Variants in CDH23 observed in about 807,000 individuals in gnomAD.
CDH23 encodes the protein cadherin-23.
CDH23 carries 189 observed loss-of-function variants against 317.1 expected under a neutral mutation model. That is an observed-to-expected ratio of 0.60 (90% confidence interval 0.53 to 0.67). The LOEUF (loss-of-function observed/expected upper bound fraction) is 0.67. Among genes scored for constraint, CDH23 ranks in the 30% least tolerant of loss-of-function variants. CDH23 has a pLI of 0.00. For synonymous variants in CDH23, 1,839 were observed against 1,876.8 expected, an observed-to-expected ratio of 0.98 and a Z score of 0.52; for missense variants, 4,401 against 4,592.4, an observed-to-expected ratio of 0.96 and a Z score of 1.20.
chr10:71,463,078 C>A (rs2132066006), intron 3 of CDH23, among the ~76,000 whole-genome samples: 1 of 152,344 alleles, frequency 6.6e-6, no homozygotes, highest in African/African-American at 2.4e-5. Context: ...TTTTCACAAC[C>A]TAGATTACCT....
At position 71,734,757 on chromosome 10, in the gene CDH23, G is replaced by A. The variant is rs58521844; in HGVS notation, c.4209+99G>A. The A allele has an allele frequency of 0.015, 10,876 of 731,996 alleles. 895 individuals carry two copies. In the African/African-American group the frequency reaches 0.17, roughly 12 times the overall value. 45.3% of individuals were successfully genotyped at this position (731,996 alleles called of 1,614,324 possible). Reference sequence around the variant, plus strand: ...TGGACCTTCCCACCTCTCCCAGAGAGAAGGCACGTGGACAGGCCTGCAGCA... The same window carrying A: ...TGGACCTTCCCACCTCTCCCAGAGAAAAGGCACGTGGACAGGCCTGCAGCA... On this transcript the variant is annotated intron_variant, in intron 34 of 69. Transcript: ENST00000224721.
chr10:71,609,951 C>CGTGT (rs34311857), intron 9 of CDH23, among the ~76,000 whole-genome samples: 11,904 of 142,690 alleles, frequency 0.083, 525 homozygotes, highest in Non-Finnish European at 0.11. Flanking sequence ...AGGACTCCCC[C>CGTGT]GTGTGTGTGT....
intron 9 of CDH23, among the ~76,000 whole-genome samples, chr10:71,610,619 T>A (rs1448901750): frequency 6.6e-6 from 1 of 152,190 alleles, no homozygotes; most frequent in Non-Finnish European, 1.5e-5. Flanking sequence ...TGCAAACAGC[T>A]TAGCTCAGTG....
rs545724150 is a variant in CDH23 at position 71,432,487 on chromosome 10, G to A, written c.-5-7340G>A. Among the ~76,000 whole-genome samples, 6 of 150,510 alleles carry A rather than the reference G, an allele frequency of 4.0e-5. No individual in the cohort carries two copies. In the East Asian group the frequency reaches 1.2e-3, roughly 30 times the overall value. On this transcript the variant is annotated intron_variant, in intron 1 of 69. Transcript: ENST00000224721. ...TGAGTGTGTAGGTGTGTGTTTGAGA[G>A]TGTGTGTGTGCAGTGTGTGGGTGAG... is the stretch of plus-strand genomic sequence containing the variant.
rs1205925889 is a variant in CDH23, at chr10:71,499,258, AAG to A, written c.146-10821_146-10820del. On this transcript the variant is annotated intron_variant, in intron 3 of 69. Coordinates refer to ENST00000224721, the MANE Select transcript of CDH23 (RefSeq NM_022124.6). ...TTACCAGTGGCTGGGGAGAGAGTGA[AAG>A]AGGGGATGGTTGATGAGTAAAAAAA... is the stretch of plus-strand genomic sequence containing the variant. Among the ~76,000 whole-genome samples, 4 of 152,268 alleles carry A rather than the reference AAG, an allele frequency of 2.6e-5. 1 individual carries two copies. Among genetic ancestry groups the A allele is most frequent in the African/African-American group, 9.6e-5 (4 of 41,560 alleles).
chr10:71,785,575 C>A, intron 43 of CDH23, 56 bp from the exon 44 acceptor site: 3 of 1,210,168 alleles, frequency 2.5e-6, no homozygotes, highest in South Asian at 1.3e-5. Flanking sequence ...ATCTGTGGGC[C>A]AAAGTAGAAA....
At position 71,617,200 on chromosome 10, in the gene CDH23, C is replaced by T. The variant is rs1477109973; in HGVS notation, c.946-5C>T. ...CACTCCGGGGTGACTGATCTCTGTC[C>T]ATAGGGCACGGAGCTGAACGATGAC... is the stretch of plus-strand genomic sequence containing the variant. On this transcript the variant is annotated splice_region_variant and splice_polypyrimidine_tract_variant and intron_variant, in intron 10 of 69. Coordinates refer to ENST00000224721, the MANE Select transcript of CDH23 (RefSeq NM_022124.6). The T allele has an allele frequency of 1.1e-5, 18 of 1,610,894 alleles. No individual in the cohort carries two copies. Among genetic ancestry groups the T allele is most frequent in the Non-Finnish European group, 1.4e-5 (17 of 1,177,472 alleles).
Position 71,795,358 on chromosome 10 carries a change from T to C in CDH23, c.6712+1718T>C, listed in dbSNP as rs187954044. ...ACCATGAGCACTAGGAGAAGTTAGA[T>C]AGAACCAGCTACATCCCAGGTTAGC... On this transcript the variant is annotated intron_variant, in intron 48 of 69. Coordinates refer to ENST00000224721, the MANE Select transcript of CDH23 (RefSeq NM_022124.6). 2.5e-3 allele frequency among the ~76,000 whole-genome samples: 386 copies of C among 152,228 alleles called. 1 individual carries two copies. Among genetic ancestry groups the C allele is most frequent in the Non-Finnish European group, 4.1e-3 (279 of 68,002 alleles).
At chr10:71,707,113 A>T (rs1285234140) in intron 26 of CDH23, 64 bp downstream of exon 26, 1 of 1,561,594 alleles carries the variant, frequency 6.4e-7, no homozygotes, top group East Asian at 2.4e-5. Flanking sequence ...CCCCTCCCAG[A>T]TGGACAGCCA....
At chr10:71,504,816 G>A (rs116068387) in intron 3 of CDH23, among the ~76,000 whole-genome samples, 2,610 of 152,318 alleles carry the variant, frequency 0.017, 59 homozygotes, top group African/African-American at 0.054. Context: ...TACGGCCAGC[G>A]TTTTTTCTGA....
Position 71,800,635 on chromosome 10 carries a change from G to A in CDH23, c.7363-1G>A. 6.2e-7 allele frequency: 1 copy of A among 1,613,768 alleles called. No homozygotes were observed. Among genetic ancestry groups the A allele is most frequent in the East Asian group, 2.2e-5 (1 of 44,886 alleles). ...ACCTAAAGCCACCCTCCCCCTACTA[G>A]GGTGACATCTATGTGCTGTCTTCTC... On this transcript the variant is annotated splice_acceptor_variant, in intron 52 of 69. Coordinates refer to ENST00000224721, the MANE Select transcript of CDH23 (RefSeq NM_022124.6). LOFTEE classifies it high-confidence loss of function.
chr10:71,731,867 GGT>G lies in CDH23; in HGVS notation c.3716-118_3716-117del. The G allele has an allele frequency of 3.0e-6, 3 of 994,034 alleles. No individual in the cohort carries two copies. In the South Asian group the frequency reaches 5.0e-5, roughly 16 times the overall value. 61.6% of individuals were successfully genotyped at this position (994,034 alleles called of 1,614,324 possible). ...CTCTGAGGATGATCCTGCCGGCAGA[GGT>G]GGGGCAGCCCATGCTGGGTGGGCCA... On this transcript the variant is annotated intron_variant, in intron 31 of 69. Coordinates refer to ENST00000224721, the MANE Select transcript of CDH23 (RefSeq NM_022124.6).
Position 71,756,751 on chromosome 10 carries a change from G to C in CDH23, c.4845+14830G>C, listed in dbSNP as rs371986698. On this transcript the variant is annotated intron_variant, in intron 38 of 69. Coordinates refer to ENST00000224721, the MANE Select transcript of CDH23 (RefSeq NM_022124.6). ...AGCCTTTCCCAGGGCCAAAAGATGG[G>C]CTGGGATACCTTGTCACAGTGTCAA... 2.6e-5 allele frequency among the ~76,000 whole-genome samples: 4 copies of C among 152,180 alleles called. No individual in the cohort carries two copies. In the South Asian group the frequency reaches 8.3e-4, roughly 31 times the overall value.
chr10:71,775,691 G>A (rs1840800799), intron 38 of CDH23, among the ~76,000 whole-genome samples: 1 of 152,084 alleles, frequency 6.6e-6, no homozygotes, highest in South Asian at 2.1e-4. Context: ...TGGTCTCAGA[G>A]CAGGAGGGGC....
intron 9 of CDH23, among the ~76,000 whole-genome samples, chr10:71,581,500 G>A (rs1318424954): frequency 6.6e-6 from 1 of 152,232 alleles, no homozygotes; most frequent in Non-Finnish European, 1.5e-5. Flanking sequence ...CCTCCAGGCT[G>A]TTTATCAGCC....
intron 9 of CDH23, among the ~76,000 whole-genome samples, chr10:71,585,144 A>G (rs746923807): frequency 3.3e-5 from 5 of 152,070 alleles, no homozygotes; most frequent in Non-Finnish European, 5.9e-5. Context: ...CATTGTGGTG[A>G]CGTACAGGAA....
intron 11 of CDH23, among the ~76,000 whole-genome samples, chr10:71,631,581 C>A (rs1041588618): frequency 6.6e-6 from 1 of 152,202 alleles, no homozygotes; most frequent in Non-Finnish European, 1.5e-5. Context: ...TGGCATGATG[C>A]CTTGTTGTGA....
intron 56 of CDH23, 75 bp downstream of exon 56, chr10:71,806,072 C>T: frequency 6.5e-7 from 1 of 1,534,632 alleles, no homozygotes; most frequent in South Asian, 1.2e-5. Context: ...TGCACCTCGC[C>T]TCCTGGAAAG....
chr10:71,559,446 A>G (rs1857019960), intron 6 of CDH23, among the ~76,000 whole-genome samples: 1 of 152,206 alleles, frequency 6.6e-6, no homozygotes, highest in Admixed American at 6.5e-5. Flanking sequence ...GTAAATAGCA[A>G]AAAGGAAGAG....
Sources: gnomAD v4.1 joint callset for allele counts (sites outside exome capture counted in the v4.1 genomes callset) on GRCh38, gnomAD v4.1.1 for gene constraint, MANE v1.5 for transcripts, NCBI Gene and HGNC (gene_info 2026-07-23, HGNC 2026-07-21) for gene names.